CLHC1: variants seen among roughly 807,000 people sequenced by gnomAD.
The protein encoded by CLHC1 is clathrin heavy chain linker domain-containing protein 1.
In CLHC1, 72 loss-of-function variants were observed where a neutral mutation model predicts 69.5. The ratio of observed to expected loss-of-function variants is 1.04; its 90% CI spans 0.86 to 1.26. The LOEUF (loss-of-function observed/expected upper bound fraction) is 1.26, where lower values mean the gene tolerates loss of function less well. Among genes scored for constraint, CLHC1 ranks in the 50% most tolerant of loss-of-function variants. CLHC1 has a pLI of 0.00. For synonymous variants in CLHC1, 223 were observed against 224.3 expected (o/e 0.99, Z 0.05); for missense variants, 790 against 679.3 (o/e 1.16, Z -1.81).
chr2:55,177,702 T>A lies in CLHC1; in HGVS notation c.1464A>T (p.Gln488His). The A allele has an allele frequency of 6.2e-7, 1 of 1,613,254 alleles. No individual in the cohort carries two copies. The change falls in exon 12 of 13, where the codon CAA (glutamine) becomes CAT (histidine). Residue 488 changes from glutamine to histidine, a missense_variant. Transcript: ENST00000401408. ...TAGCAAGACCAAAAGATAAAGATGG[T>A]TGTTTCTCATTCAACTCTTTAGTGA... is the stretch of plus-strand genomic sequence containing the variant. ...QCLTKELNEK[Q>H]PSLSFGLAIL...
chr2:55,203,736 G>T (rs1291365005), intron 9 of CLHC1, among the ~76,000 whole-genome samples: 1 of 152,128 alleles, frequency 6.6e-6, no homozygotes. Flanking sequence ...AATTCTCCAG[G>T]ACATTGGTCT....
At chr2:55,209,609 A>C in intron 6 of CLHC1, 21 bp downstream of exon 6, 1 of 1,607,874 alleles carries the variant, frequency 6.2e-7, no homozygotes, top group Non-Finnish European at 8.5e-7. Flanking sequence ...AACTTTAAAA[A>C]CATATAATCA....
intron 9 of CLHC1, among the ~76,000 whole-genome samples, chr2:55,192,957 A>G (rs559394751): frequency 6.9e-6 from 1 of 145,422 alleles, no homozygotes; most frequent in East Asian, 2.0e-4. Context: ...GTGGCATGAT[A>G]TCAGCTCACT....
At chr2:55,177,262 A>T (rs1669479448) in intron 12 of CLHC1, among the ~76,000 whole-genome samples, 1 of 152,252 alleles carries the variant, frequency 6.6e-6, no homozygotes, top group African/African-American at 2.4e-5. Flanking sequence ...GAATTAAAAC[A>T]TATAGTTTAT....
intron 9 of CLHC1, among the ~76,000 whole-genome samples, chr2:55,185,250 C>G (rs1670315173): frequency 6.6e-6 from 1 of 152,086 alleles, no homozygotes; most frequent in South Asian, 2.1e-4. Context: ...CACCAAACAA[C>G]ACAGAAAGTC....
rs1669259836 is a variant in CLHC1, at chr2:55,175,007, AG to A, written c.*782del. On this transcript the variant is annotated 3_prime_UTR_variant, in exon 13 of 13. Coordinates refer to ENST00000401408, the MANE Select transcript of CLHC1 (RefSeq NM_152385.4). Reference sequence around the variant, plus strand: ...GGGCTAAAGGCTGTTCTGATTAATTAGGTATCTGTTCTGCTTGATTTGTGCC... The same window carrying A: ...GGGCTAAAGGCTGTTCTGATTAATTAGTATCTGTTCTGCTTGATTTGTGCC... 6.6e-6 allele frequency: 1 copy of A among 152,152 alleles called. No individual in the cohort carries two copies. The highest frequency in any genetic ancestry group is 1.5e-5 in the Non-Finnish European group (1 of 68,028). 9.4% of individuals were successfully genotyped at this position (152,152 alleles called of 1,614,324 possible).
intron 3 of CLHC1, among the ~76,000 whole-genome samples, chr2:55,219,168 C>T (rs1673870222): frequency 6.6e-6 from 1 of 152,122 alleles, no homozygotes; most frequent in South Asian, 2.1e-4. Context: ...TGCTCCTGGC[C>T]ATCTACTTCA....
At chr2:55,231,853 C>G (rs991059349) in intron 1 of CLHC1, 1 of 152,134 alleles carries the variant, frequency 6.6e-6, no homozygotes, top group African/African-American at 2.4e-5. Flanking sequence ...TTTGAAAACT[C>G]CTGAGATTTT....
intron 5 of CLHC1, among the ~76,000 whole-genome samples, chr2:55,211,704 T>C (rs1347542020): frequency 2.6e-5 from 4 of 152,132 alleles, no homozygotes; most frequent in Non-Finnish European, 5.9e-5. Flanking sequence ...CCAAAATCTT[T>C]AAAAGTTTGG....
chr2:55,186,301 C>T (rs1670405563), intron 9 of CLHC1, among the ~76,000 whole-genome samples: 1 of 152,214 alleles, frequency 6.6e-6, no homozygotes, highest in Non-Finnish European at 1.5e-5. Flanking sequence ...AAATTAAGCT[C>T]ACAATATTAT....
At chr2:55,195,665 G>C (rs1671344088) in intron 9 of CLHC1, among the ~76,000 whole-genome samples, 1 of 152,140 alleles carries the variant, frequency 6.6e-6, no homozygotes, top group Non-Finnish European at 1.5e-5. Flanking sequence ...AGCCAGGCAT[G>C]GTGGCAGGCA....
In CLHC1 at chr2:55,216,112, TAAA is replaced by T. The variant is rs34510146; in HGVS notation, c.365+1696_365+1698del. 633 of 105,170 alleles carry T rather than the reference TAAA, an allele frequency of 6.0e-3. 2 individuals are homozygous for T. The highest frequency in any genetic ancestry group is 0.013 in the Middle Eastern group (3 of 234). The allele number at this position is 105,170 out of a possible 1,614,324, so 6.5% of individuals were successfully genotyped here. On this transcript the variant is annotated intron_variant, in intron 4 of 12. Coordinates refer to ENST00000401408, the MANE Select transcript of CLHC1 (RefSeq NM_152385.4). ...CAACGTGGTGAAACCCCATCTCTAC[TAAA>T]AAAAAAAAAAAAAAAAAAAAATTAG...
At chr2:55,203,247 A>G (rs1672130569) in intron 9 of CLHC1, among the ~76,000 whole-genome samples, 1 of 152,226 alleles carries the variant, frequency 6.6e-6, no homozygotes, top group Non-Finnish European at 1.5e-5. Flanking sequence ...AAAGCAATCT[A>G]CAGATTTAAT....
At chr2:55,229,757 G>A (rs1480189259) in intron 1 of CLHC1, among the ~76,000 whole-genome samples, 1 of 152,154 alleles carries the variant, frequency 6.6e-6, no homozygotes, top group Non-Finnish European at 1.5e-5. Context: ...CAGAAGAGTG[G>A]GAGAGCTGAC....
chr2:55,207,961 T>G (rs1251375816), intron 8 of CLHC1, among the ~76,000 whole-genome samples: 1 of 152,220 alleles, frequency 6.6e-6, no homozygotes, highest in Non-Finnish European at 1.5e-5. Flanking sequence ...AATATAGTCT[T>G]AAATCTCTTT....
intron 3 of CLHC1, among the ~76,000 whole-genome samples, chr2:55,218,848 C>T (rs949413786): frequency 6.6e-6 from 1 of 152,160 alleles, no homozygotes; most frequent in East Asian, 1.9e-4. Context: ...AATAGACAGG[C>T]TCAATTCCTA....
rs546037428 is a variant in CLHC1, at chr2:55,208,550, C to A, written c.899+76G>T. 86 of 880,754 alleles carry A rather than the reference C, an allele frequency of 9.8e-5. 1 individual carries two copies. In the African/African-American group the frequency reaches 1.2e-3, roughly 12 times the overall value. The allele number at this position is 880,754 out of a possible 1,614,324, so 54.6% of individuals were successfully genotyped here. A position where few individuals can be genotyped will look rare whatever the true frequency, so the allele number is the denominator to read the frequency against. On this transcript the variant is annotated intron_variant, in intron 8 of 12. Coordinates refer to ENST00000401408, the MANE Select transcript of CLHC1 (RefSeq NM_152385.4). ...CTCCTCTGAAAAATCTCCTAGATTC[C>A]CAATCTGGTATGTTATTCACAAAGA...
chr2:55,216,807 G>A (rs1246411360), intron 4 of CLHC1, among the ~76,000 whole-genome samples: 2 of 152,050 alleles, frequency 1.3e-5, no homozygotes, highest in African/African-American at 2.4e-5. Context: ...ACAGGTGTGA[G>A]CCACCCTGTG....
At chr2:55,212,263 G>A (rs1045332153) in intron 5 of CLHC1, among the ~76,000 whole-genome samples, 1 of 152,208 alleles carries the variant, frequency 6.6e-6, no homozygotes, top group Admixed American at 6.5e-5. Flanking sequence ...GGGTGACGGA[G>A]AGAGACTAGG....
Sources: gnomAD v4.1 joint callset for allele counts (sites outside exome capture counted in the v4.1 genomes callset) on GRCh38, gnomAD v4.1.1 for gene constraint, MANE v1.5 for transcripts, NCBI Gene and HGNC (gene_info 2026-07-23, HGNC 2026-07-21) for gene names.